Variants in CCNY observed in about 807,000 individuals in gnomAD.
The protein encoded by CCNY is cyclin-Y.
In CCNY, 19 loss-of-function variants were observed where a neutral mutation model predicts 42.8. The ratio of observed to expected loss-of-function variants is 0.44; its 90% CI spans 0.31 to 0.65. The LOEUF (loss-of-function observed/expected upper bound fraction) is 0.65. Ranked by LOEUF, CCNY falls within the 30% of genes least tolerant of loss-of-function variation. The pLI is 0.07. For missense variants in CCNY, 370 were observed against 437.3 expected, an observed-to-expected ratio of 0.85 and a Z score of 1.37; for synonymous variants, 165 against 162.7, an observed-to-expected ratio of 1.01 and a Z score of -0.11.
chr10:35,370,462 A>C (rs1210408593), intron 1 of CCNY, among the ~76,000 whole-genome samples: 1 of 151,080 alleles, frequency 6.6e-6, no homozygotes, highest in Non-Finnish European at 1.5e-5. Flanking sequence ...TTCCTCATCC[A>C]TATTCTTTTG....
At position 35,518,790 on chromosome 10, in the gene CCNY, T is replaced by C. The variant is rs367593046; in HGVS notation, c.365+2167T>C. Among the ~76,000 whole-genome samples the C allele has an allele frequency of 5.7e-3, 790 of 138,466 alleles. 8 individuals are homozygous for C. The highest frequency in any genetic ancestry group is 7.9e-3 in the Non-Finnish European group (521 of 65,698). The allele number at this position is 138,466 out of a possible 152,430, so 90.8% of individuals were successfully genotyped here. ...AGCTCTTGATTGAATCTGGCTGAGGTAAATTGTGAGTATCTGGATTTTTAA... is the reference window on the plus strand; with the variant it reads ...AGCTCTTGATTGAATCTGGCTGAGGCAAATTGTGAGTATCTGGATTTTTAA... On this transcript the variant is annotated intron_variant, in intron 4 of 9. Transcript: ENST00000374704.
At chr10:35,266,587 C>T (rs540084875) in intron 3 of CCNY, among the ~76,000 whole-genome samples, 1 of 152,232 alleles carries the variant, frequency 6.6e-6, no homozygotes, top group Non-Finnish European at 1.5e-5. Flanking sequence ...TCTCATTAAC[C>T]ATAAACGAAC....
chr10:35,367,887 C>G (rs1836843599), intron 1 of CCNY, among the ~76,000 whole-genome samples: 2 of 152,228 alleles, frequency 1.3e-5, no homozygotes, highest in Non-Finnish European at 2.9e-5. Flanking sequence ...CCTAATGAGG[C>G]ACAAGAAGTA....
intron 7 of CCNY, among the ~76,000 whole-genome samples, chr10:35,548,292 G>GTA (rs113069550): frequency 0.033 from 4,729 of 143,742 alleles, 96 homozygotes; most frequent in Middle Eastern, 0.062. Flanking sequence ...ATATATTTAT[G>GTA]TATATATATA....
chr10:35,273,980 C>T (rs1227608050), intron 3 of CCNY, among the ~76,000 whole-genome samples: 1 of 152,164 alleles, frequency 6.6e-6, no homozygotes, highest in Non-Finnish European at 1.5e-5. Flanking sequence ...GCAGCATTCC[C>T]AAGTGTGGAA....
intron 1 of CCNY, among the ~76,000 whole-genome samples, chr10:35,383,759 T>C (rs890012769): frequency 6.6e-6 from 1 of 152,194 alleles, no homozygotes; most frequent in Non-Finnish European, 1.5e-5. Flanking sequence ...AATCTTGTTT[T>C]AACATAATAG....
intron 3 of CCNY, among the ~76,000 whole-genome samples, chr10:35,259,567 A>G (rs1170017889): frequency 3.1e-5 from 4 of 128,558 alleles, no homozygotes; most frequent in African/African-American, 1.2e-4. Flanking sequence ...CAGTGGCATG[A>G]TCTTGGCTCA....
chr10:35,345,417 C>T (rs1165949912), intron 1 of CCNY, among the ~76,000 whole-genome samples: 4 of 149,368 alleles, frequency 2.7e-5, no homozygotes, highest in African/African-American at 7.4e-5. Flanking sequence ...TGCAGTGAAC[C>T]GAGGTAGCGC....
intron 3 of CCNY, among the ~76,000 whole-genome samples, chr10:35,297,546 G>A (rs566689597): frequency 1.3e-5 from 2 of 152,156 alleles, no homozygotes; most frequent in African/African-American, 4.8e-5. Flanking sequence ...AAGAGAGGAA[G>A]TCAAACTATC....
chr10:35,286,790 G>C (rs923994679), intron 3 of CCNY, among the ~76,000 whole-genome samples: 2 of 150,992 alleles, frequency 1.3e-5, no homozygotes, highest in African/African-American at 4.9e-5. Context: ...CTCCTAAGTC[G>C]CTGGAATTAC....
rs191439366 is a variant in CCNY, at chr10:35,474,865, T to C, written c.155-8539T>C. Among the ~76,000 whole-genome samples the C allele has an allele frequency of 6.8e-3, 1,033 of 152,236 alleles. 10 individuals are homozygous for C. The highest frequency in any genetic ancestry group is 0.024 in the African/African-American group (987 of 41,540). ...AAATACTCTGAGCTACGGGAGGACA[T>C]TCAAACCAAAAGCAAAGAAGTTGAA... is the stretch of plus-strand genomic sequence containing the variant. On this transcript the variant is annotated intron_variant, in intron 1 of 9. Coordinates refer to ENST00000374704, the MANE Select transcript of CCNY (RefSeq NM_145012.6).
At position 35,569,482 on chromosome 10, in the gene CCNY, G is replaced by A. The variant is rs1841642873; in HGVS notation, c.*312G>A. 4 of 389,118 alleles carry A rather than the reference G, an allele frequency of 1.0e-5. No homozygotes were observed. The East Asian group carries it at 1.6e-4, about 15-fold the overall frequency. 24.1% of individuals were successfully genotyped at this position (389,118 alleles called of 1,614,324 possible). On this transcript the variant is annotated 3_prime_UTR_variant, in exon 10 of 10. Coordinates refer to ENST00000374704, the MANE Select transcript of CCNY (RefSeq NM_145012.6). ...GGCAGGGAAAATGGTTAAGCAGCCC[G>A]GCCCTCTGGAGTCCCCATGGGGGCG...
intron 3 of CCNY, among the ~76,000 whole-genome samples, chr10:35,272,635 G>T (rs1018970902): frequency 1.3e-5 from 2 of 152,194 alleles, no homozygotes; most frequent in Admixed American, 1.3e-4. Flanking sequence ...ATTCCATGGT[G>T]TATATGTACC....
chr10:35,285,711 C>T (rs990603389), intron 3 of CCNY, among the ~76,000 whole-genome samples: 4 of 152,116 alleles, frequency 2.6e-5, no homozygotes, highest in South Asian at 2.1e-4. Flanking sequence ...GGATTAGGGG[C>T]GTGAGCCACC....
chr10:35,432,635 C>G (rs1232274912), intron 1 of CCNY, among the ~76,000 whole-genome samples: 1 of 152,192 alleles, frequency 6.6e-6, no homozygotes, highest in Non-Finnish European at 1.5e-5. Flanking sequence ...TTGAGAGAGA[C>G]AATCTGTTCC....
At chr10:35,395,906 G>A (rs905353392) in intron 1 of CCNY, among the ~76,000 whole-genome samples, 12 of 152,014 alleles carry the variant, frequency 7.9e-5, no homozygotes, top group South Asian at 4.2e-4. Flanking sequence ...CACCCTTTGC[G>A]GAGGTTTTAC....
At chr10:35,449,861 G>C in intron 1 of CCNY, 1 of 947,794 alleles carries the variant, frequency 1.1e-6, no homozygotes, top group Non-Finnish European at 1.3e-6. Context: ...GAGACAAAAA[G>C]GGCCTTTCCA....
At chr10:35,304,844 G>T (rs1418115992) in intron 3 of CCNY, among the ~76,000 whole-genome samples, 1 of 152,198 alleles carries the variant, frequency 6.6e-6, no homozygotes, top group Non-Finnish European at 1.5e-5. Flanking sequence ...AACCACTAGG[G>T]TGTTAGGGGG....
At chr10:35,471,931 C>A (rs545640804) in intron 1 of CCNY, among the ~76,000 whole-genome samples, 19 of 152,306 alleles carry the variant, frequency 1.2e-4, no homozygotes, top group Admixed American at 3.9e-4. Context: ...GTAGGAGACT[C>A]TAAGTCAGGA....
Sources: allele counts gnomAD v4.1 joint callset (sites outside exome capture counted in the v4.1 genomes callset), GRCh38; gene constraint gnomAD v4.1.1; transcripts MANE v1.5; gene names NCBI Gene and HGNC (gene_info 2026-07-23, HGNC 2026-07-21).